ATF7IP: variants seen among roughly 807,000 people sequenced by gnomAD.
ATF7IP encodes activating transcription factor 7 interacting protein.
ATF7IP carries 23 observed loss-of-function variants against 106.4 expected under a neutral mutation model. That is an observed-to-expected ratio of 0.22 (90% confidence interval 0.16 to 0.31). The LOEUF (loss-of-function observed/expected upper bound fraction) is 0.31. Among genes scored for constraint, ATF7IP ranks in the 10% least tolerant of loss-of-function variants. The pLI is 1.00. For missense variants in ATF7IP, 1,334 were observed against 1,524.3 expected (o/e 0.88, Z 2.08); for synonymous variants, 542 against 539.0 (o/e 1.01, Z -0.08).
chr12:14,424,691 T>C lies in ATF7IP; in HGVS notation c.776T>C (p.Leu259Pro), dbSNP rs867821286. The C allele has an allele frequency of 6.2e-7, 1 of 1,614,202 alleles. No individual in the cohort carries two copies. Among genetic ancestry groups the C allele is most frequent in the Non-Finnish European group, 8.5e-7 (1 of 1,180,038 alleles). Residue 259 changes from leucine (L) to proline (P), a missense_variant, in exon 2 of 15, where the codon CTA (leucine) becomes CCA (proline). This residue lies in a region of ATF7IP where 438 missense variants were observed against 405.3 expected (regional missense o/e 1.08). Coordinates refer to ENST00000261168, the MANE Select transcript of ATF7IP (RefSeq NM_018179.5). The stretch of plus-strand genomic sequence containing the variant: ...TCTGATGATCTGGCCTCTGGTGATC[T>C]ATCCTCTAGTGAACTGGCCTCTGAT... ...PASDDLASGDLSSSELASDDL... is the reference protein window; with the variant it reads ...PASDDLASGDPSSSELASDDL...
At chr12:14,375,228 A>G (rs1207918947) in intron 1 of ATF7IP, among the ~76,000 whole-genome samples, 3 of 152,012 alleles carry the variant, frequency 2.0e-5, no homozygotes, top group Non-Finnish European at 1.5e-5. Context: ...TTTTTAATCA[A>G]ACATGTAATT....
rs1409101989 is a variant in ATF7IP, at chr12:14,424,554, A to G, written c.639A>G (p.Glu213=). Residue 213 remains glutamate (E), a synonymous_variant, in exon 2 of 15, where the codon GAA becomes GAG. Transcript: ENST00000261168. ...CCTCTAGTGATCCCATCCCAGGTGA[A>G]CCGGTCCCTGTTGAACCCATTTCTG... ...DPTSSDPIPG[E]PVPVEPISGD... The G allele has an allele frequency of 6.2e-7, 1 of 1,613,998 alleles. No homozygotes were observed. Among genetic ancestry groups the G allele is most frequent in the East Asian group, 2.2e-5 (1 of 44,882 alleles).
intron 1 of ATF7IP, among the ~76,000 whole-genome samples, chr12:14,372,907 A>G (rs1425797305): frequency 6.6e-6 from 1 of 152,222 alleles, no homozygotes; most frequent in Non-Finnish European, 1.5e-5. Flanking sequence ...ATGTTAGAAT[A>G]GTTGTCCTCA....
chr12:14,376,183 T>C (rs190725715), intron 1 of ATF7IP, among the ~76,000 whole-genome samples: 1 of 152,378 alleles, frequency 6.6e-6, no homozygotes, highest in Non-Finnish European at 1.5e-5. Flanking sequence ...GCATTCATCA[T>C]TGGCAAAGTT....
intron 10 of ATF7IP, among the ~76,000 whole-genome samples, chr12:14,474,905 A>C (rs971588041): frequency 1.3e-5 from 2 of 152,164 alleles, no homozygotes; most frequent in Non-Finnish European, 2.9e-5. Flanking sequence ...GGGATTTTAT[A>C]GATTTTTGGT....
chr12:14,463,114 A>G (rs1248421556), intron 9 of ATF7IP, among the ~76,000 whole-genome samples: 2 of 152,078 alleles, frequency 1.3e-5, no homozygotes, highest in Admixed American at 6.6e-5. Flanking sequence ...AGGATTCCCA[A>G]AACCTAAACT....
At chr12:14,373,588 A>G (rs1294154374) in intron 1 of ATF7IP, among the ~76,000 whole-genome samples, 2 of 152,214 alleles carry the variant, frequency 1.3e-5, no homozygotes, top group Non-Finnish European at 2.9e-5. Flanking sequence ...TAGCTGGATA[A>G]TCATATGCTT....
chr12:14,473,363 C>G (rs1033987371), intron 10 of ATF7IP, among the ~76,000 whole-genome samples: 2 of 149,426 alleles, frequency 1.3e-5, no homozygotes, highest in African/African-American at 4.9e-5. Flanking sequence ...CAGTATGTAT[C>G]TAATCTTAAT....
chr12:14,496,324 G>A lies in ATF7IP; in HGVS notation c.3374G>A (p.Arg1125Gln), dbSNP rs145917898. The change falls in exon 14 of 15, where the codon CGA becomes CAA. Residue 1125 changes from arginine to glutamine, a missense_variant. By Grantham distance (43) the Arg-to-Gln change is conservative. Transcript: ENST00000261168. ...STGPQLTVHHRPPQVHTEPPR... is the reference protein window; with the variant it reads ...STGPQLTVHHQPPQVHTEPPR... ...GGACCTCAGCTCACAGTGCATCACC[G>A]ACCACCACAAGTGCATACTGTAAGT... is the stretch of plus-strand genomic sequence containing the variant. 1.2e-6 allele frequency: 2 copies of A among 1,612,880 alleles called. No individual in the cohort carries two copies. The highest frequency in any genetic ancestry group is 2.2e-5 in the East Asian group (1 of 44,822).
At chr12:14,441,372 T>C (rs1942686844) in intron 5 of ATF7IP, among the ~76,000 whole-genome samples, 1 of 152,236 alleles carries the variant, frequency 6.6e-6, no homozygotes, top group African/African-American at 2.4e-5. Context: ...TGATCAATCA[T>C]ATGTGCTTGT....
chr12:14,439,299 G>A (rs1007340979), intron 5 of ATF7IP, among the ~76,000 whole-genome samples: 1 of 152,096 alleles, frequency 6.6e-6, no homozygotes, highest in African/African-American at 2.4e-5. Context: ...TGCAAATGAA[G>A]GAAAAGTGGC....
chr12:14,380,143 C>T (rs1938938090), intron 1 of ATF7IP, among the ~76,000 whole-genome samples: 1 of 152,058 alleles, frequency 6.6e-6, no homozygotes, highest in African/African-American at 2.4e-5. Context: ...CTATCATGTT[C>T]TTAATTTTCA....
intron 1 of ATF7IP, among the ~76,000 whole-genome samples, chr12:14,410,185 C>T (rs1408248595): frequency 6.6e-6 from 1 of 152,150 alleles, no homozygotes; most frequent in Non-Finnish European, 1.5e-5. Flanking sequence ...CCCCCCTTCT[C>T]CACAGTTTTC....
chr12:14,497,250 T>A (rs921152348), intron 14 of ATF7IP, among the ~76,000 whole-genome samples: 7 of 152,358 alleles, frequency 4.6e-5, no homozygotes, highest in South Asian at 4.1e-4. Flanking sequence ...TTTTATATGA[T>A]CTTGGTTGCC....
intron 1 of ATF7IP, chr12:14,408,364 T>C (rs1452513424): frequency 6.6e-6 from 1 of 152,164 alleles, no homozygotes; most frequent in East Asian, 1.9e-4. Flanking sequence ...ATTGTTTCTA[T>C]TTTTAGGCTG....
rs769235114 is a variant in ATF7IP at position 14,423,912 on chromosome 12, C to T, written c.-4C>T. 15 of 1,571,642 alleles carry T rather than the reference C, an allele frequency of 9.5e-6. No individual in the cohort carries two copies. ...CTCTTTCTCTTTTTTCTTAAAGATT[C>T]AGAATGGACAGTTTAGAAGAACCTC... On this transcript the variant is annotated 5_prime_UTR_variant, in exon 2 of 15. Transcript: ENST00000261168.
intron 13 of ATF7IP, among the ~76,000 whole-genome samples, chr12:14,493,917 A>G (rs981409203): frequency 1.5e-4 from 23 of 151,890 alleles, no homozygotes; most frequent in African/African-American, 3.9e-4. Flanking sequence ...ATTTTCTTTC[A>G]TCACTTTTTC....
intron 13 of ATF7IP, among the ~76,000 whole-genome samples, chr12:14,486,791 T>C (rs988431358): frequency 6.6e-6 from 1 of 152,094 alleles, no homozygotes; most frequent in African/African-American, 2.4e-5. Context: ...GATCCAGTTA[T>C]TTCCATTGTA....
At chr12:14,457,140 T>A in intron 7 of ATF7IP, 67 bp from the exon 8 acceptor site, 1 of 1,348,236 alleles carries the variant, frequency 7.4e-7, no homozygotes, top group Non-Finnish European at 1.0e-6. Flanking sequence ...CTGCTTATTC[T>A]AGATATCAGT....
Sources: allele counts gnomAD v4.1 joint callset (sites outside exome capture counted in the v4.1 genomes callset), GRCh38; gene constraint gnomAD v4.1.1; regional missense constraint gnomAD v4.1.1; transcripts MANE v1.5; gene names NCBI Gene and HGNC (gene_info 2026-07-23, HGNC 2026-07-21).